The following EPM2A variants were observed in gnomAD, a reference collection of about 807,000 sequenced individuals.
EPM2A encodes the protein laforin.
Under a neutral mutation model 26.5 loss-of-function variants are expected in EPM2A, and 21 were observed. That is an observed-to-expected ratio of 0.79 (90% CI 0.56 to 1.14). The LOEUF (loss-of-function observed/expected upper bound fraction) is 1.14. Among genes scored for constraint, EPM2A ranks in the 50% most tolerant of loss-of-function variants. EPM2A has a pLI of 0.00. For missense variants in EPM2A, 458 were observed against 440.8 expected (o/e 1.04, Z -0.35); for synonymous variants, 217 against 177.6 (o/e 1.22, Z -1.76).
intron 4 of EPM2A, among the ~76,000 whole-genome samples, chr6:145,430,945 C>A (rs11969137): frequency 0.05 from 7,590 of 152,166 alleles, 627 homozygotes; most frequent in African/African-American, 0.17. Flanking sequence ...ATTATAAAAT[C>A]TGAAGATTTT....
chr6:145,707,597 G>C (rs892101717), intron 1 of EPM2A, among the ~76,000 whole-genome samples: 2 of 152,138 alleles, frequency 1.3e-5, no homozygotes, highest in Non-Finnish European at 2.9e-5. Context: ...TTTTATAAAA[G>C]GGTATACCCT....
At chr6:145,441,534 A>T (rs974907794) in intron 4 of EPM2A, among the ~76,000 whole-genome samples, 2 of 152,184 alleles carry the variant, frequency 1.3e-5, no homozygotes, top group African/African-American at 4.8e-5. Flanking sequence ...GTCAGGCTGC[A>T]AATTTTCTGA....
intron 4 of EPM2A, among the ~76,000 whole-genome samples, chr6:145,445,705 A>G (rs1279056139): frequency 6.6e-6 from 1 of 152,160 alleles, no homozygotes; most frequent in Non-Finnish European, 1.5e-5. Context: ...GTGAGCTTTC[A>G]AAATTCCTTA....
chr6:145,610,932 C>G (rs916295060), intron 2 of EPM2A, among the ~76,000 whole-genome samples: 1 of 152,136 alleles, frequency 6.6e-6, no homozygotes, highest in Non-Finnish European at 1.5e-5. Context: ...CATTTAAATG[C>G]CCTAAATTAT....
intron 2 of EPM2A, among the ~76,000 whole-genome samples, chr6:145,557,017 T>C (rs1443865111): frequency 6.6e-6 from 1 of 152,112 alleles, no homozygotes; most frequent in Non-Finnish European, 1.5e-5. Flanking sequence ...AGTGAAATGA[T>C]GCATTCATGG....
intron 4 of EPM2A, among the ~76,000 whole-genome samples, chr6:145,414,435 C>A (rs904294076): frequency 1.3e-5 from 2 of 151,920 alleles, no homozygotes; most frequent in South Asian, 2.1e-4. Flanking sequence ...GCAGTTGATT[C>A]GCTTCACTAA....
chr6:145,460,491 AG>A (rs1779315669), intron 4 of EPM2A, among the ~76,000 whole-genome samples: 1 of 152,172 alleles, frequency 6.6e-6, no homozygotes, highest in Admixed American at 6.6e-5. Context: ...GGGTAAGATA[AG>A]TATATATAAA....
chr6:145,433,988 G>T (rs992524134), intron 4 of EPM2A, among the ~76,000 whole-genome samples: 5 of 151,772 alleles, frequency 3.3e-5, no homozygotes, highest in African/African-American at 9.7e-5. Flanking sequence ...ATTTGTTATT[G>T]CATCTCTTCT....
chr6:145,385,215 GC>G (rs150268020), intron 4 of EPM2A, among the ~76,000 whole-genome samples: 2,166 of 147,216 alleles, frequency 0.015, 240 homozygotes, highest in African/African-American at 0.048. Flanking sequence ...AACAAATAAT[GC>G]CCTTTTTAAG....
intron 4 of EPM2A, among the ~76,000 whole-genome samples, chr6:145,441,974 T>A (rs949483901): frequency 6.6e-6 from 1 of 152,160 alleles, no homozygotes; most frequent in Non-Finnish European, 1.5e-5. Context: ...ATACCCTAAA[T>A]CATCTTCCTC....
At chr6:145,495,222 C>G (rs1037489500) in intron 4 of EPM2A, among the ~76,000 whole-genome samples, 1 of 151,906 alleles carries the variant, frequency 6.6e-6, no homozygotes, top group Non-Finnish European at 1.5e-5. Context: ...TGAATTGAAC[C>G]CTTTACCATT....
chr6:145,682,765 C>T (rs1780637404), intron 2 of EPM2A: 1 of 152,038 alleles, frequency 6.6e-6, no homozygotes. Flanking sequence ...AAGCCTCATC[C>T]TTATAAAGGA....
At chr6:145,710,332 A>G (rs1775242157) in intron 1 of EPM2A, among the ~76,000 whole-genome samples, 1 of 152,226 alleles carries the variant, frequency 6.6e-6, no homozygotes, top group African/African-American at 2.4e-5. Context: ...ACACTTCTCA[A>G]ACGAAGACAT....
At chr6:145,684,371 A>G (rs757334693) in intron 2 of EPM2A, among the ~76,000 whole-genome samples, 3 of 152,186 alleles carry the variant, frequency 2.0e-5, no homozygotes, top group Admixed American at 6.6e-5. Context: ...CTCTTCAGAA[A>G]AAAGGGTTCA....
intron 2 of EPM2A, among the ~76,000 whole-genome samples, chr6:145,596,981 G>A (rs1781354216): frequency 1.6e-5 from 2 of 124,442 alleles, no homozygotes; most frequent in Non-Finnish European, 3.2e-5. Context: ...TGCAAGCTCC[G>A]CTTCCCGGGT....
At chr6:145,518,613 A>AC (rs1780162633) in intron 2 of EPM2A, among the ~76,000 whole-genome samples, 1 of 145,276 alleles carries the variant, frequency 6.9e-6, no homozygotes, top group African/African-American at 2.5e-5. Context: ...AAAAAAAAAA[A>AC]AAAAAAAAAA....
intron 4 of EPM2A, among the ~76,000 whole-genome samples, chr6:145,462,986 T>A (rs573943518): frequency 8.1e-4 from 124 of 152,308 alleles, no homozygotes; most frequent in African/African-American, 2.9e-3. Context: ...ATTCTTTCTT[T>A]ACATCTGTAT....
chr6:145,706,797 A>G (rs1782246961), intron 1 of EPM2A, among the ~76,000 whole-genome samples: 1 of 152,220 alleles, frequency 6.6e-6, no homozygotes, highest in South Asian at 2.1e-4. Flanking sequence ...ATTATATAAT[A>G]AATATAAATT....
intron 4 of EPM2A, chr6:145,490,882 A>G (rs1779746158): frequency 1.4e-6 from 1 of 695,054 alleles, no homozygotes; most frequent in Non-Finnish European, 2.6e-6. Flanking sequence ...ACTTGCTGGT[A>G]ATATCTGCCA....
Sources: allele counts gnomAD v4.1 joint callset (sites outside exome capture counted in the v4.1 genomes callset), GRCh38; gene constraint gnomAD v4.1.1; transcripts MANE v1.5; gene names NCBI Gene and HGNC (gene_info 2026-07-23, HGNC 2026-07-21).